Variants in LGALSL observed in about 807,000 individuals in gnomAD.
LGALSL encodes galectin like.
A neutral mutation model predicts 19.5 loss-of-function variants in LGALSL; 13 were observed. The observed-to-expected ratio is 0.67, with a 90% CI of 0.43 to 1.06. LGALSL has a LOEUF of 1.06. Among genes scored for constraint, LGALSL ranks in the 50% least tolerant of loss-of-function variants. The pLI is 0.00. For missense variants in LGALSL, 189 were observed against 219.3 expected (o/e 0.86, Z 0.87); for synonymous variants, 86 against 78.3 (o/e 1.10, Z -0.52).
At chr2:64,455,225 TCTGCAGACA>T in intron 1 of LGALSL, 110 bp from the exon 2 acceptor site, 1 of 752,358 alleles carries the variant, frequency 1.3e-6, no homozygotes. Context: ...AGAGGCATCA[TCTGCAGACA>T]CTGTGTGCAT....
At chr2:64,458,219 G>T in intron 4 of LGALSL, 66 bp from the exon 5 acceptor site, 1 of 1,432,432 alleles carries the variant, frequency 7.0e-7, no homozygotes, top group South Asian at 1.2e-5. Context: ...TCTCTAAAAT[G>T]AAGTATTGTT....
At chr2:64,457,261 TA>T (rs527547525) in intron 4 of LGALSL, among the ~76,000 whole-genome samples, 242 of 144,598 alleles carry the variant, frequency 1.7e-3, no homozygotes, top group Admixed American at 2.1e-3. Context: ...ACCCTGCCTT[TA>T]AAAAAAAAAA....
At chr2:64,457,451 G>C (rs1273897024) in intron 4 of LGALSL, among the ~76,000 whole-genome samples, 1 of 151,834 alleles carries the variant, frequency 6.6e-6, no homozygotes, top group Non-Finnish European at 1.5e-5. Flanking sequence ...GGAAATGCAA[G>C]TAGTAATGGT....
At position 64,460,856 on chromosome 2, in the gene LGALSL, G is replaced by T. The variant is rs1480753700; in HGVS notation, c.*2428G>T. ...GTATGTAAGGTGTTATTTCTGACCA[G>T]AGCCCTAGTTCTGCAATAACCAAAA... On this transcript the variant is annotated 3_prime_UTR_variant, in exon 5 of 5. Transcript: ENST00000238875. 2.0e-5 allele frequency: 3 copies of T among 152,156 alleles called. No homozygotes were observed. Among genetic ancestry groups the T allele is most frequent in the Non-Finnish European group, 4.4e-5 (3 of 68,030 alleles). 9.4% of individuals were successfully genotyped at this position (152,156 alleles called of 1,614,324 possible). A position where few individuals can be genotyped will look rare whatever the true frequency, so the allele number is the denominator to read the frequency against.
rs1686706637 is a variant in LGALSL at position 64,454,850 on chromosome 2, G to A, written c.36+269G>A. Reference sequence around the variant, plus strand: ...CGCCCGACAGCCCCCTCTGTGCCGTGCAACCGCCAGCCAGGTGTGCGCGTG... The same window carrying A: ...CGCCCGACAGCCCCCTCTGTGCCGTACAACCGCCAGCCAGGTGTGCGCGTG... On this transcript the variant is annotated intron_variant, in intron 1 of 4. Transcript: ENST00000238875. The surrounding 1 kb of genome is among the most constrained non-coding windows in gnomAD (Gnocchi z 5.1). Among the ~76,000 whole-genome samples, 1 of 151,188 alleles carries A rather than the reference G, an allele frequency of 6.6e-6. No homozygotes were observed. Among genetic ancestry groups the A allele is most frequent in the Non-Finnish European group, 1.5e-5 (1 of 67,692 alleles).
chr2:64,456,265 C>T (rs1484635502), intron 3 of LGALSL, 23 bp from the exon 4 acceptor site: 1 of 1,601,704 alleles, frequency 6.2e-7, no homozygotes, highest in African/African-American at 1.3e-5. Flanking sequence ...AACCCTTAAT[C>T]AGTGGGATGA....
Position 64,454,296 on chromosome 2 carries a change from G to C in LGALSL, c.-250G>C. 1 of 395,068 alleles carries C rather than the reference G, an allele frequency of 2.5e-6. No homozygotes were observed. The highest frequency in any genetic ancestry group is 4.5e-6 in the Non-Finnish European group (1 of 223,844). The allele number at this position is 395,068 out of a possible 1,614,324, so 24.5% of individuals were successfully genotyped here. On this transcript the variant is annotated 5_prime_UTR_variant, in exon 1 of 5. Coordinates refer to ENST00000238875, the MANE Select transcript of LGALSL (RefSeq NM_014181.3). This position sits in a 1 kb window ranked among gnomAD's most constrained non-coding sequence, Gnocchi z 5.1. ...CAAGCAGCCCCGTCGGCCCGGGTCC[G>C]GGGCCGTTCTGGGCCGCGGCAAGCA... is the stretch of plus-strand genomic sequence containing the variant.
At chr2:64,456,090 A>G (rs996330328) in intron 3 of LGALSL, among the ~76,000 whole-genome samples, 198 bp from the exon 4 acceptor site, 4 of 152,190 alleles carry the variant, frequency 2.6e-5, no homozygotes, top group African/African-American at 9.7e-5. Context: ...TTTCAACACC[A>G]AAGTTTTCAC....
rs768100214 is a variant in LGALSL, at chr2:64,456,488, C to T, written c.375+23C>T. 2.6e-6 allele frequency: 4 copies of T among 1,510,526 alleles called. No homozygotes were observed. The South Asian group carries it at 4.0e-5, about 15-fold the overall frequency. 93.6% of individuals were successfully genotyped at this position (1,510,526 alleles called of 1,614,324 possible). On this transcript the variant is annotated intron_variant, in intron 4 of 4. Coordinates refer to ENST00000238875, the MANE Select transcript of LGALSL (RefSeq NM_014181.3). Reference sequence around the variant, plus strand: ...AGGGTGAGTACCTCGAGTGCCTCGGCTCCAGCCACTGGCAGGCTGATAATG... The same window carrying T: ...AGGGTGAGTACCTCGAGTGCCTCGGTTCCAGCCACTGGCAGGCTGATAATG...
In LGALSL at chr2:64,460,769, GT is replaced by G. The variant is rs1384277180; in HGVS notation, c.*2342del. The G allele has an allele frequency of 6.6e-6, 1 of 152,156 alleles. No homozygotes were observed. Among genetic ancestry groups the G allele is most frequent in the Non-Finnish European group, 1.5e-5 (1 of 68,036 alleles). 9.4% of individuals were successfully genotyped at this position (152,156 alleles called of 1,614,324 possible). ...TCACACCCTCTCCTGGGCCTGTAAG[GT>G]CTAAGGTGAGAATTTCAGGATGGAA... On this transcript the variant is annotated 3_prime_UTR_variant, in exon 5 of 5. Transcript: ENST00000238875.
In LGALSL at chr2:64,454,296, G is replaced by A. The variant is rs1686688381; in HGVS notation, c.-250G>A. ...CAAGCAGCCCCGTCGGCCCGGGTCC[G>A]GGGCCGTTCTGGGCCGCGGCAAGCA... On this transcript the variant is annotated 5_prime_UTR_variant, in exon 1 of 5. Coordinates refer to ENST00000238875, the MANE Select transcript of LGALSL (RefSeq NM_014181.3). The surrounding 1 kb of genome is among the most constrained non-coding windows in gnomAD (Gnocchi z 5.1). 2.5e-6 allele frequency: 1 copy of A among 395,068 alleles called. No individual in the cohort carries two copies. Among genetic ancestry groups the A allele is most frequent in the Non-Finnish European group, 4.5e-6 (1 of 223,844 alleles). 24.5% of individuals were successfully genotyped at this position (395,068 alleles called of 1,614,324 possible). A position where few individuals can be genotyped will look rare whatever the true frequency, so the allele number is the denominator to read the frequency against.
At chr2:64,457,320 A>G (rs1686751709) in intron 4 of LGALSL, among the ~76,000 whole-genome samples, 1 of 151,874 alleles carries the variant, frequency 6.6e-6, no homozygotes, top group Non-Finnish European at 1.5e-5. Flanking sequence ...GCTACTTGGG[A>G]GGCTGAGACG....
Position 64,455,684 on chromosome 2 carries a change from C to T in LGALSL, c.197+7C>T. 6.2e-7 allele frequency: 1 copy of T among 1,605,672 alleles called. No homozygotes were observed. Among genetic ancestry groups the T allele is most frequent in the Non-Finnish European group, 8.5e-7 (1 of 1,172,282 alleles). On this transcript the variant is annotated splice_region_variant and intron_variant, in intron 3 of 4. Coordinates refer to ENST00000238875, the MANE Select transcript of LGALSL (RefSeq NM_014181.3). ...TAGACCTCAACCCAGAGAGGTAAGG[C>T]AGAGTCTTTGTCAGGACAGAACTAT... is the stretch of plus-strand genomic sequence containing the variant.
chr2:64,457,485 G>A, intron 4 of LGALSL, among the ~76,000 whole-genome samples: 1 of 152,002 alleles, frequency 6.6e-6, no homozygotes, highest in Non-Finnish European at 1.5e-5. Context: ...CAGACCTAGT[G>A]ATGAATTGTC....
chr2:64,458,304 A>G lies in LGALSL; in HGVS notation c.395A>G (p.His132Arg). Residue 132 changes from histidine to arginine, a missense_variant, in exon 5 of 5, where the codon CAC becomes CGC. This residue lies in a region of LGALSL where 106 missense variants were observed against 119.3 expected (regional missense o/e 0.89). Transcript: ENST00000238875. The part of the protein sequence containing the change: ...QPFRVEILCE[H>R]PRFRVFVDGH... ...TTCCAGGTGGAAATTCTTTGTGAGC[A>G]CCCACGTTTCCGAGTGTTTGTGGAT... The G allele has an allele frequency of 1.9e-6, 3 of 1,613,880 alleles. No homozygotes were observed. The highest frequency in any genetic ancestry group is 2.5e-6 in the Non-Finnish European group (3 of 1,179,868).
intron 4 of LGALSL, 105 bp downstream of exon 4, chr2:64,456,570 C>A: frequency 1.1e-6 from 1 of 922,402 alleles, no homozygotes; most frequent in Non-Finnish European, 1.6e-6. Context: ...TTCTGCATGT[C>A]CAGGAAATTT....
Position 64,458,452 on chromosome 2 carries a change from A to T in LGALSL, c.*24A>T. Reference sequence around the variant, plus strand: ...GATTTAAACCACCTCTATTTCAAATAGGATCACGTGCCACAACTATCTGAC... The same window carrying T: ...GATTTAAACCACCTCTATTTCAAATTGGATCACGTGCCACAACTATCTGAC... On this transcript the variant is annotated 3_prime_UTR_variant, in exon 5 of 5. Coordinates refer to ENST00000238875, the MANE Select transcript of LGALSL (RefSeq NM_014181.3). The T allele has an allele frequency of 6.2e-7, 1 of 1,605,054 alleles. No individual in the cohort carries two copies. The highest frequency in any genetic ancestry group is 8.5e-7 in the Non-Finnish European group (1 of 1,173,714).
chr2:64,456,738 GTACCCAACATATAGTAGATACC>G (rs1186875393), intron 4 of LGALSL, among the ~76,000 whole-genome samples: 1 of 152,034 alleles, frequency 6.6e-6, no homozygotes, highest in Non-Finnish European at 1.5e-5. Flanking sequence ...TTTCTATGTA[GTACCCAACATATAGTAGATACC>G]TACCCCCAAA....
Position 64,458,387 on chromosome 2 carries a change from A to G in LGALSL, c.478A>G (p.Ile160Val), listed in dbSNP as rs1029979102. Residue 160 changes from isoleucine to valine, a missense_variant, in exon 5 of 5, where the codon ATA (isoleucine) becomes GTA (valine). Ile to Val is a conservative substitution (Grantham distance 29). This residue lies in a region of LGALSL where 106 missense variants were observed against 119.3 expected (regional missense o/e 0.89). Transcript: ENST00000238875. Reference sequence around the variant, plus strand: ...TCAAACGTTATCTGCAATTGACACCATAAAGATAAATGGAGACCTCCAGAT... The same window carrying G: ...TCAAACGTTATCTGCAATTGACACCGTAAAGATAAATGGAGACCTCCAGAT... ...RIQTLSAIDT[I>V]KINGDLQITK... The G allele has an allele frequency of 6.2e-7, 1 of 1,613,870 alleles. No individual in the cohort carries two copies. The highest frequency in any genetic ancestry group is 1.3e-5 in the African/African-American group (1 of 74,946).
Sources: allele counts gnomAD v4.1 joint callset (sites outside exome capture counted in the v4.1 genomes callset), GRCh38; gene constraint gnomAD v4.1.1; regional missense constraint gnomAD v4.1.1; non-coding constraint Gnocchi (gnomAD v3.1); transcripts MANE v1.5; gene names NCBI Gene and HGNC (gene_info 2026-07-23, HGNC 2026-07-21).